KDM2B: variants seen among roughly 807,000 people sequenced by gnomAD.
KDM2B encodes lysine-specific demethylase 2B.
Under a neutral mutation model 150.0 loss-of-function variants are expected in KDM2B, and 26 were observed. The ratio of observed to expected loss-of-function variants is 0.17; its 90% CI spans 0.13 to 0.24. KDM2B has a LOEUF of 0.24. KDM2B is among the 10% of genes least tolerant of loss of function. KDM2B has a pLI of 1.00. For missense variants in KDM2B, 1,265 were observed against 1,816.9 expected (o/e 0.70, Z 5.52); for synonymous variants, 734 against 729.5 (o/e 1.01, Z -0.10).
At chr12:121,580,733 GC>G in intron 1 of KDM2B, 52 bp downstream of exon 1, 1 of 1,572,230 alleles carries the variant, frequency 6.4e-7, no homozygotes, top group South Asian at 1.2e-5. Flanking sequence ...TGCCCTCATT[GC>G]CCAGGGCTAC....
At chr12:121,420,697 T>C in the KDM2B span, 1 of 1,614,170 alleles carries the variant, frequency 6.2e-7, no homozygotes, top group East Asian at 2.2e-5. Flanking sequence ...TTTTGTCAAC[T>C]ATTCTGGCTG....
chr12:121,417,694 A>C, the KDM2B span: 1 of 1,614,230 alleles, frequency 6.2e-7, no homozygotes, highest in Non-Finnish European at 8.5e-7. The surrounding 1 kb of genome is among the most constrained non-coding windows in gnomAD (Gnocchi z 5.0). Flanking sequence ...ACTTGTCGTG[A>C]GAAAGAAGAC....
rs1888569989 is a variant in KDM2B, at chr12:121,541,070, T to C, written c.684-6480A>G. Among the ~76,000 whole-genome samples the C allele has an allele frequency of 2.6e-5, 4 of 151,912 alleles. 1 individual carries two copies. In the South Asian group the frequency reaches 8.3e-4, roughly 32 times the overall value. On this transcript the variant is annotated intron_variant, in intron 6 of 22. Transcript: ENST00000377071. Reference sequence around the variant, plus strand: ...CAACATGGAGAAACCCTGTCTCTACTAAAAATACAAAATTAGCCAGCCGTG... The same window carrying C: ...CAACATGGAGAAACCCTGTCTCTACCAAAAATACAAAATTAGCCAGCCGTG...
At chr12:121,528,335 G>C (rs1566379827) in intron 8 of KDM2B, among the ~76,000 whole-genome samples, 1 of 151,906 alleles carries the variant, frequency 6.6e-6, no homozygotes, top group East Asian at 1.9e-4. Flanking sequence ...GAGGCAGCAG[G>C]ATCACTTGAG....
chr12:121,453,207 G>A lies in KDM2B; in HGVS notation c.1872C>T (p.Cys624=), dbSNP rs199664991. ...RKCEACLRTE[C]GECHFCKDMK... is the part of the protein sequence containing the mutation. ...TGTCCTTGCAGAAGTGGCACTCTCCGCACTCGGTCCGCAGGCAGGCCTCGC... is the reference window on the plus strand; with the variant it reads ...TGTCCTTGCAGAAGTGGCACTCTCCACACTCGGTCCGCAGGCAGGCCTCGC... Residue 624 remains cysteine (C), a synonymous_variant, in exon 13 of 23, where the codon TGC becomes TGT. Transcript: ENST00000377071. The surrounding 1 kb of genome is among the most constrained non-coding windows in gnomAD (Gnocchi z 6.4). 2.4e-4 allele frequency: 381 copies of A among 1,613,080 alleles called. No homozygotes were observed. In the African/African-American group the frequency reaches 4.2e-3, roughly 18 times the overall value.
chr12:121,410,164 GA>G, the KDM2B span, among the ~76,000 whole-genome samples: 11 of 148,996 alleles, frequency 7.4e-5, no homozygotes, highest in East Asian at 2.0e-3. Flanking sequence ...CAAAAAAAAA[GA>G]AAAGGAATTA....
intron 19 of KDM2B, among the ~76,000 whole-genome samples, chr12:121,441,599 G>A (rs1555288324): frequency 6.6e-6 from 1 of 152,052 alleles, no homozygotes; most frequent in Admixed American, 6.5e-5. Context: ...ACCACACCCG[G>A]CTAATTTTTT....
At chr12:121,426,251 G>A (rs116380011), downstream of KDM2B, among the ~76,000 whole-genome samples, 1 of 152,168 alleles carries the variant, frequency 6.6e-6, no homozygotes, top group Non-Finnish European at 1.5e-5. Context: ...TATAGAAAGA[G>A]TACAAAATGC....
intron 2 of KDM2B, among the ~76,000 whole-genome samples, chr12:121,576,677 A>G (rs1891514388): frequency 6.6e-6 from 1 of 152,196 alleles, no homozygotes; most frequent in Non-Finnish European, 1.5e-5. Flanking sequence ...TCCTTCCCCA[A>G]TTCTGAAACC....
Position 121,467,224 on chromosome 12 carries a change from G to C in KDM2B, c.1735-13880C>G. 9.7e-7 allele frequency: 1 copy of C among 1,031,962 alleles called. No individual in the cohort carries two copies. Among genetic ancestry groups the C allele is most frequent in the Non-Finnish European group, 1.2e-6 (1 of 853,942 alleles). 63.9% of individuals were successfully genotyped at this position (1,031,962 alleles called of 1,614,324 possible). A position where few individuals can be genotyped will look rare whatever the true frequency, so the allele number is the denominator to read the frequency against. On this transcript the variant is annotated intron_variant, in intron 12 of 22. Coordinates refer to ENST00000377071, the MANE Select transcript of KDM2B (RefSeq NM_032590.5). This position sits in a 1 kb window ranked among gnomAD's most constrained non-coding sequence, Gnocchi z 5.1. ...CGGACATGGCCATGGCTCATGGTGG[G>C]CCCAGGCTCGCGCGCGCTGACATGG...
intron 12 of KDM2B, among the ~76,000 whole-genome samples, chr12:121,477,606 T>C (rs1881530476): frequency 6.6e-6 from 1 of 150,464 alleles, no homozygotes; most frequent in African/African-American, 2.4e-5. Flanking sequence ...AGATGGAGTT[T>C]TGCTCTTGTC....
At chr12:121,571,668 T>C (rs1352295139) in intron 4 of KDM2B, among the ~76,000 whole-genome samples, 3 of 150,508 alleles carry the variant, frequency 2.0e-5, no homozygotes, top group African/African-American at 7.4e-5. Context: ...TTTTTTTTTT[T>C]GAGACAGTGT....
chr12:121,441,060 C>T lies in KDM2B; in HGVS notation c.3448+10G>A, dbSNP rs782534107. ...GCAGACACACTCGGGGCCACTGGCC[C>T]AGGGCTCACCAGGCAGCCGGTTGAT... is the stretch of plus-strand genomic sequence containing the variant. On this transcript the variant is annotated intron_variant, in intron 20 of 22. Transcript: ENST00000377071. 1 of 1,614,022 alleles carries T rather than the reference C, an allele frequency of 6.2e-7. No individual in the cohort carries two copies. The highest frequency in any genetic ancestry group is 1.1e-5 in the South Asian group (1 of 91,044).
intron 8 of KDM2B, among the ~76,000 whole-genome samples, chr12:121,522,698 A>G (rs1193762400): frequency 6.6e-6 from 1 of 151,700 alleles, no homozygotes; most frequent in African/African-American, 2.4e-5. Context: ...AAATACAAAA[A>G]TTAGCCAGGC....
At chr12:121,487,789 GCTT>G (rs1469729470) in intron 12 of KDM2B, among the ~76,000 whole-genome samples, 5 of 148,852 alleles carry the variant, frequency 3.4e-5, no homozygotes, top group Non-Finnish European at 4.4e-5. Context: ...AGGAGAAGCA[GCTT>G]CTTTTTTTTT....
intron 11 of KDM2B, among the ~76,000 whole-genome samples, chr12:121,506,665 C>T (rs146561276): frequency 0.016 from 2,479 of 151,918 alleles, 59 homozygotes; most frequent in African/African-American, 0.054. Context: ...AGACCAGGCG[C>T]GGTGGCTCAC....
chr12:121,544,031 C>T (rs946681923), intron 6 of KDM2B, among the ~76,000 whole-genome samples: 3 of 144,912 alleles, frequency 2.1e-5, no homozygotes, highest in Non-Finnish European at 4.5e-5. Flanking sequence ...GGGAGGATTG[C>T]TTGAGCCTGG....
intron 4 of KDM2B, among the ~76,000 whole-genome samples, chr12:121,564,653 C>T (rs908407742): frequency 2.6e-5 from 4 of 151,906 alleles, no homozygotes; most frequent in Non-Finnish European, 4.4e-5. Context: ...GAACAATATG[C>T]GATGTTCACT....
At chr12:121,514,379 T>C (rs1200090964) in intron 9 of KDM2B, among the ~76,000 whole-genome samples, 1 of 151,990 alleles carries the variant, frequency 6.6e-6, no homozygotes, top group African/African-American at 2.4e-5. Flanking sequence ...CTTTGTGTAC[T>C]AGAACTGTCA....
Sources: gnomAD v4.1 joint callset for allele counts (sites outside exome capture counted in the v4.1 genomes callset) on GRCh38, gnomAD v4.1.1 for gene constraint, Gnocchi (gnomAD v3.1) non-coding constraint, MANE v1.5 for transcripts, NCBI Gene and HGNC (gene_info 2026-07-23, HGNC 2026-07-21) for gene names.